PLEKHA5: variants seen among roughly 807,000 people sequenced by gnomAD.
PLEKHA5 encodes pleckstrin homology domain containing A5.
In PLEKHA5, 55 loss-of-function variants were observed where a neutral mutation model predicts 181.9. That is an observed-to-expected ratio of 0.30 (90% CI 0.24 to 0.38). PLEKHA5 has a LOEUF of 0.38. Ranked by LOEUF, PLEKHA5 falls within the 10% of genes least tolerant of loss-of-function variation. PLEKHA5 has a pLI of 1.00. For synonymous variants in PLEKHA5, 535 were observed against 529.4 expected (o/e 1.01, Z -0.15); for missense variants, 1,432 against 1,549.5 (o/e 0.92, Z 1.27).
intron 11 of PLEKHA5, among the ~76,000 whole-genome samples, chr12:19,280,729 CT>C (rs1442236367): frequency 6.7e-6 from 1 of 148,510 alleles, no homozygotes; most frequent in African/African-American, 2.5e-5. Context: ...TTTAATTTTT[CT>C]TTTTCTTTTT....
intron 25 of PLEKHA5, among the ~76,000 whole-genome samples, chr12:19,349,893 G>C (rs771649727): frequency 6.6e-6 from 1 of 151,998 alleles, no homozygotes; most frequent in African/African-American, 2.4e-5. Flanking sequence ...CGGGCAGATC[G>C]CAAGGTCAGG....
intron 14 of PLEKHA5, 55 bp downstream of exon 14, chr12:19,290,851 C>T: frequency 1.4e-6 from 2 of 1,462,388 alleles, no homozygotes; most frequent in Non-Finnish European, 1.8e-6. Context: ...TATTTTGAAA[C>T]ACTCATCAGT....
intron 15 of PLEKHA5, among the ~76,000 whole-genome samples, chr12:19,296,029 C>T (rs939370568): frequency 1.3e-5 from 2 of 151,854 alleles, no homozygotes; most frequent in Admixed American, 6.6e-5. Context: ...GGCAGGAGTT[C>T]GAGACCAGCC....
intron 16 of PLEKHA5, among the ~76,000 whole-genome samples, chr12:19,316,028 A>G (rs764652722): frequency 2.6e-5 from 4 of 152,178 alleles, no homozygotes; most frequent in Non-Finnish European, 4.4e-5. Flanking sequence ...GAATCTTTCA[A>G]TTCTTAAAGT....
At chr12:19,182,230 T>A (rs901823767) in intron 3 of PLEKHA5, among the ~76,000 whole-genome samples, 3 of 152,220 alleles carry the variant, frequency 2.0e-5, no homozygotes, top group African/African-American at 7.2e-5. Context: ...GCACTTTTTC[T>A]TTACATTTCT....
At chr12:19,216,644 C>T (rs943146312) in intron 3 of PLEKHA5, among the ~76,000 whole-genome samples, 4 of 146,462 alleles carry the variant, frequency 2.7e-5, no homozygotes, top group Admixed American at 6.9e-5. Flanking sequence ...GCCTGGGTGA[C>T]AGAGCGAGAA....
chr12:19,352,033 G>A (rs1013185580), intron 25 of PLEKHA5, among the ~76,000 whole-genome samples: 1 of 140,968 alleles, frequency 7.1e-6, no homozygotes, highest in African/African-American at 2.7e-5. Flanking sequence ...CCGAGATCAC[G>A]CCATTGTACT....
chr12:19,306,628 A>AGGCGGC, intron 15 of PLEKHA5: 1 of 1,086,540 alleles, frequency 9.2e-7, no homozygotes, highest in Non-Finnish European at 1.4e-6. Flanking sequence ...GCGGCGGTGG[A>AGGCGGC]GGCGGCGGCA....
In PLEKHA5 at chr12:19,129,748, G is replaced by C; in HGVS notation, c.-52G>C. The C allele has an allele frequency of 2.1e-6, 3 of 1,415,086 alleles. No homozygotes were observed. Among genetic ancestry groups the C allele is most frequent in the Non-Finnish European group, 3.0e-6 (3 of 1,016,152 alleles). The allele number at this position is 1,415,086 out of a possible 1,614,324, so 87.7% of individuals were successfully genotyped here. A position where few individuals can be genotyped will look rare whatever the true frequency, so the allele number is the denominator to read the frequency against. On this transcript the variant is annotated 5_prime_UTR_variant, in exon 1 of 32. Transcript: ENST00000429027. ...TCGCTCGCTCGTTCCCTCCTCCCTC[G>C]GCAGCCGCGGCGGCAGCAGGAGAAG... is the stretch of plus-strand genomic sequence containing the variant.
At chr12:19,353,701 C>T (rs138644740) in intron 25 of PLEKHA5, among the ~76,000 whole-genome samples, 183 bp from the exon 26 acceptor site, 1,926 of 152,192 alleles carry the variant, frequency 0.013, 36 homozygotes, top group African/African-American at 0.038. Context: ...TCAGGTCATC[C>T]GCCTGCCTTG....
rs527841248 is a variant in PLEKHA5 at position 19,266,761 on chromosome 12, G to A, written c.711+911G>A. 9.2e-5 allele frequency among the ~76,000 whole-genome samples: 14 copies of A among 152,206 alleles called. No homozygotes were observed. In the East Asian group the frequency reaches 2.7e-3, roughly 29 times the overall value. On this transcript the variant is annotated intron_variant, in intron 8 of 31. Coordinates refer to ENST00000429027, the MANE Select transcript of PLEKHA5 (RefSeq NM_001256470.2). ...ATTGCACCACTGTACTCCAGCCTAG[G>A]TGACAGAGTGAGACTCTGTATTAAT...
chr12:19,190,651 G>T (rs2050892036), intron 3 of PLEKHA5, among the ~76,000 whole-genome samples: 1 of 152,176 alleles, frequency 6.6e-6, no homozygotes, highest in Admixed American at 6.5e-5. Flanking sequence ...GATTCATTTA[G>T]CCAGAAATTT....
At chr12:19,306,581 C>T (rs1195571377) in intron 15 of PLEKHA5, 11 of 805,668 alleles carry the variant, frequency 1.4e-5, no homozygotes, top group Non-Finnish European at 2.2e-5. Flanking sequence ...CACTGCGGAT[C>T]CGGGCCCTAG....
chr12:19,307,031 C>A, intron 15 of PLEKHA5: 1 of 1,484,904 alleles, frequency 6.7e-7, no homozygotes, highest in Non-Finnish European at 9.4e-7. Flanking sequence ...CCTGCCCTTG[C>A]TGCGCTTGGG....
At chr12:19,284,829 G>A (rs1341051090) in intron 12 of PLEKHA5, among the ~76,000 whole-genome samples, 1 of 152,074 alleles carries the variant, frequency 6.6e-6, no homozygotes, top group African/African-American at 2.4e-5. Context: ...ACACTTTGGG[G>A]AGCCAAGGCC....
At chr12:19,230,482 G>A (rs758088328) in intron 3 of PLEKHA5, among the ~76,000 whole-genome samples, 22 of 152,206 alleles carry the variant, frequency 1.4e-4, no homozygotes, top group Non-Finnish European at 2.9e-4. Context: ...ATGGCGGGCT[G>A]CAGGTCCAGA....
At position 19,342,514 on chromosome 12, in the gene PLEKHA5, G is replaced by A. The variant is rs139282663; in HGVS notation, c.2551-809G>A. ...TCTACTAAAAATACAAAATTAGCCG[G>A]GTGTGGTGGCACATGCCTGTAATCC... On this transcript the variant is annotated intron_variant, in intron 21 of 31. Coordinates refer to ENST00000429027, the MANE Select transcript of PLEKHA5 (RefSeq NM_001256470.2). Among the ~76,000 whole-genome samples, 155 of 152,270 alleles carry A rather than the reference G, an allele frequency of 1.0e-3. No homozygotes were observed. The East Asian group carries it at 0.026, about 26-fold the overall frequency.
At chr12:19,374,230 G>A (rs995408303) in intron 31 of PLEKHA5, among the ~76,000 whole-genome samples, 1 of 149,348 alleles carries the variant, frequency 6.7e-6, no homozygotes, top group Non-Finnish European at 1.5e-5. Context: ...ATTCAGCTAC[G>A]TTTGGTACTT....
chr12:19,277,100 G>A (rs970752496), intron 11 of PLEKHA5, among the ~76,000 whole-genome samples: 8 of 152,216 alleles, frequency 5.3e-5, no homozygotes, highest in African/African-American at 1.4e-4. Context: ...TTACTAGCAG[G>A]AAAATAAATT....
Sources: gnomAD v4.1 joint callset for allele counts (sites outside exome capture counted in the v4.1 genomes callset) on GRCh38, gnomAD v4.1.1 for gene constraint, MANE v1.5 for transcripts, NCBI Gene and HGNC (gene_info 2026-07-23, HGNC 2026-07-21) for gene names.